Variants in TRIT1 observed in about 807,000 individuals in gnomAD.
The protein encoded by TRIT1 is tRNA isopentenyltransferase 1.
TRIT1 carries 43 observed loss-of-function variants against 51.2 expected under a neutral mutation model. The observed-to-expected ratio is 0.84, with a 90% CI of 0.66 to 1.08. The LOEUF (loss-of-function observed/expected upper bound fraction) is 1.08, where lower values mean the gene tolerates loss of function less well. Among genes scored for constraint, TRIT1 ranks in the 50% least tolerant of loss-of-function variants. TRIT1 has a pLI of 0.00. For synonymous variants in TRIT1, 184 were observed against 203.9 expected, an observed-to-expected ratio of 0.90 and a Z score of 0.83; for missense variants, 528 against 578.4, an observed-to-expected ratio of 0.91 and a Z score of 0.89.
rs1238450161 is a variant in TRIT1 at position 39,838,950 on chromosome 1, T to C, written c.*2794A>G. 6.6e-6 allele frequency among the ~76,000 whole-genome samples: 1 copy of C among 152,224 alleles called. No individual in the cohort carries two copies. Among genetic ancestry groups the C allele is most frequent in the Non-Finnish European group, 1.5e-5 (1 of 68,030 alleles). On this transcript the variant is annotated 3_prime_UTR_variant, in exon 11 of 11. Coordinates refer to ENST00000316891, the MANE Select transcript of TRIT1 (RefSeq NM_017646.6). Reference sequence around the variant, plus strand: ...CCTGGAATACAGATGAGCTGTTCTCTTGCTTAGCCCTAAGAATCAAGCAAA... The same window carrying C: ...CCTGGAATACAGATGAGCTGTTCTCCTGCTTAGCCCTAAGAATCAAGCAAA...
chr1:39,864,101 G>A (rs1643399879), intron 1 of TRIT1, among the ~76,000 whole-genome samples: 1 of 151,982 alleles, frequency 6.6e-6, no homozygotes, highest in African/African-American at 2.4e-5. Context: ...GGCCAGGCTG[G>A]TCTCGAACTC....
intron 4 of TRIT1, 71 bp downstream of exon 4, chr1:39,852,660 T>C (rs1439597551): frequency 6.5e-7 from 1 of 1,548,456 alleles, no homozygotes; most frequent in Non-Finnish European, 8.7e-7. Context: ...TCTCATCATC[T>C]GGGCAAACTG....
At chr1:39,856,371 A>C (rs1314861007) in intron 2 of TRIT1, among the ~76,000 whole-genome samples, 1 of 151,714 alleles carries the variant, frequency 6.6e-6, no homozygotes, top group Admixed American at 6.6e-5. Context: ...GTAGTCCCAG[A>C]TATTTAGGAC....
chr1:39,880,446 A>AAC (rs1644222612), intron 1 of TRIT1, among the ~76,000 whole-genome samples: 1 of 152,142 alleles, frequency 6.6e-6, no homozygotes, highest in Admixed American at 6.6e-5. Flanking sequence ...TTACATGTTT[A>AAC]CCAAATACTA....
At chr1:39,879,872 CAAA>C (rs11406062) in intron 1 of TRIT1, among the ~76,000 whole-genome samples, 16 of 49,154 alleles carry the variant, frequency 3.3e-4, no homozygotes, top group South Asian at 1.5e-3. Flanking sequence ...AACTCCATCT[CAAA>C]AAAAAAAAAA....
chr1:39,881,339 T>C (rs12040426), intron 1 of TRIT1, among the ~76,000 whole-genome samples: 12,916 of 152,164 alleles, frequency 0.085, 1,101 homozygotes, highest in East Asian at 0.29. Context: ...CTTAAGTCTC[T>C]GAGGTATCAG....
intron 1 of TRIT1, among the ~76,000 whole-genome samples, chr1:39,865,602 T>G (rs1193889928): frequency 7.9e-6 from 1 of 126,988 alleles, no homozygotes; most frequent in East Asian, 2.5e-4. Context: ...CGTGGGTGGC[T>G]GAGGCAGGCA....
At chr1:39,848,172 G>C (rs752755323) in intron 5 of TRIT1, 75 bp from the exon 6 acceptor site, 16 of 1,050,794 alleles carry the variant, frequency 1.5e-5, no homozygotes, top group Admixed American at 4.1e-5. Context: ...CGAGTGAACA[G>C]GTGGTCACAA....
At chr1:39,879,914 C>T (rs1366119983) in intron 1 of TRIT1, among the ~76,000 whole-genome samples, 2 of 147,740 alleles carry the variant, frequency 1.4e-5, no homozygotes, top group Non-Finnish European at 3.0e-5. Context: ...TGGTGGCTCA[C>T]ACCTGTAATC....
chr1:39,873,584 T>C (rs942697477), intron 1 of TRIT1, among the ~76,000 whole-genome samples: 1 of 152,226 alleles, frequency 6.6e-6, no homozygotes. Context: ...TCCAAGACTA[T>C]AATTTAGTTA....
Position 39,841,709 on chromosome 1 carries a change from CCCA to C in TRIT1, c.*32_*34del, listed in dbSNP as rs1331881732. 6.3e-7 allele frequency: 1 copy of C among 1,585,214 alleles called. No homozygotes were observed. Among genetic ancestry groups the C allele is most frequent in the Non-Finnish European group, 8.6e-7 (1 of 1,166,732 alleles). ...ATACCCCTCCCTCCTGAACTGGATC[CCCA>C]CCACCTTTCCAAAGGCCACTGGACA... On this transcript the variant is annotated 3_prime_UTR_variant, in exon 11 of 11. Coordinates refer to ENST00000316891, the MANE Select transcript of TRIT1 (RefSeq NM_017646.6).
chr1:39,863,498 G>C (rs1643362143), intron 1 of TRIT1, among the ~76,000 whole-genome samples: 1 of 152,112 alleles, frequency 6.6e-6, no homozygotes, highest in South Asian at 2.1e-4. Context: ...GTCCAAGTTA[G>C]ACACAAATAG....
At chr1:39,853,296 T>C (rs558895063) in intron 3 of TRIT1, among the ~76,000 whole-genome samples, 35 of 152,346 alleles carry the variant, frequency 2.3e-4, no homozygotes, top group African/African-American at 8.2e-4. Context: ...ATACATACTG[T>C]GCTGCCAGCC....
intron 1 of TRIT1, 106 bp from the exon 2 acceptor site, chr1:39,857,523 C>G: frequency 7.6e-7 from 1 of 1,311,798 alleles, no homozygotes; most frequent in Non-Finnish European, 1.1e-6. Context: ...AAACACTTCA[C>G]TGACCCAAAG....
chr1:39,861,245 C>T lies in TRIT1; in HGVS notation c.175-3828G>A, dbSNP rs536937905. 1.3e-3 allele frequency among the ~76,000 whole-genome samples: 204 copies of T among 152,172 alleles called. 1 individual carries two copies. Among genetic ancestry groups the T allele is most frequent in the African/African-American group, 4.5e-3 (187 of 41,518 alleles). On this transcript the variant is annotated intron_variant, in intron 1 of 10. Transcript: ENST00000316891. ...ATTACGGAAAACAATATGGCAGTTT[C>T]GGGAAGGGCAAGGTGGCTCATGCCT... is the stretch of plus-strand genomic sequence containing the variant.
intron 5 of TRIT1, among the ~76,000 whole-genome samples, chr1:39,849,457 T>A (rs1292710617): frequency 6.6e-6 from 1 of 152,168 alleles, no homozygotes; most frequent in East Asian, 1.9e-4. Context: ...CCCCCCAAGA[T>A]AATATTCGTC....
rs766087007 is a variant in TRIT1, at chr1:39,857,303, C to T, written c.289G>A (p.Asp97Asn). 115 of 1,613,040 alleles carry T rather than the reference C, an allele frequency of 7.1e-5. 1 individual carries two copies. In the Admixed American group the frequency reaches 1.9e-3, roughly 26 times the overall value. ...AGAGCAGTTGCTCTATTTCTGAAGT[C>T]CACCACTGTGTAATTGGTCACAAGA... ...DPLVTNYTVV[D>N]FRNRATALIE... Residue 97 changes from aspartate (D) to asparagine (N), a missense_variant, in exon 2 of 11, where the codon GAC (aspartate) becomes AAC (asparagine). By Grantham distance (23) the Asp-to-Asn change is conservative (BLOSUM62 1). Coordinates refer to ENST00000316891, the MANE Select transcript of TRIT1 (RefSeq NM_017646.6).
chr1:39,851,437 AT>A (rs1323285630), intron 4 of TRIT1, among the ~76,000 whole-genome samples: 4 of 152,200 alleles, frequency 2.6e-5, no homozygotes, highest in African/African-American at 9.7e-5. Context: ...ATAAAAATGA[AT>A]GTTTATCATA....
chr1:39,865,035 C>T (rs1643458453), intron 1 of TRIT1, among the ~76,000 whole-genome samples: 1 of 152,194 alleles, frequency 6.6e-6, no homozygotes, highest in Non-Finnish European at 1.5e-5. Flanking sequence ...GATTATGGCT[C>T]AATATAATCA....
Sources: gnomAD v4.1 joint callset for allele counts (sites outside exome capture counted in the v4.1 genomes callset) on GRCh38, gnomAD v4.1.1 for gene constraint, MANE v1.5 for transcripts, NCBI Gene and HGNC (gene_info 2026-07-23, HGNC 2026-07-21) for gene names.